Variants in FAF1 observed in about 807,000 individuals in gnomAD.
The protein encoded by FAF1 is FAS-associated factor 1.
FAF1 carries 25 observed loss-of-function variants against 92.5 expected under a neutral mutation model. That is an observed-to-expected ratio of 0.27 (90% CI 0.20 to 0.38). FAF1 has a LOEUF of 0.38. Ranked by LOEUF, FAF1 falls within the 10% of genes least tolerant of loss-of-function variation. FAF1 has a pLI of 1.00. For synonymous variants in FAF1, 234 were observed against 273.2 expected, an observed-to-expected ratio of 0.86 and a Z score of 1.42; for missense variants, 636 against 793.3, an observed-to-expected ratio of 0.80 and a Z score of 2.38.
At chr1:50,513,197 T>C (rs1191113009) in intron 15 of FAF1, among the ~76,000 whole-genome samples, 1 of 152,156 alleles carries the variant, frequency 6.6e-6, no homozygotes, top group Non-Finnish European at 1.5e-5. Context: ...GAATTCTCAC[T>C]GGCTAGGCAT....
At chr1:50,858,979 G>T (rs951291679) in intron 1 of FAF1, among the ~76,000 whole-genome samples, 2 of 151,672 alleles carry the variant, frequency 1.3e-5, no homozygotes, top group African/African-American at 4.8e-5. Context: ...TACAAGGTTG[G>T]TTGGGCATAT....
chr1:50,761,969 C>G (rs1248900813), intron 4 of FAF1, among the ~76,000 whole-genome samples: 4 of 152,038 alleles, frequency 2.6e-5, no homozygotes, highest in Non-Finnish European at 4.4e-5. Context: ...TCTCCTTAAG[C>G]TGATAAGCAA....
chr1:50,884,420 C>T (rs1644640036), intron 1 of FAF1, among the ~76,000 whole-genome samples: 1 of 151,266 alleles, frequency 6.6e-6, no homozygotes, highest in African/African-American at 2.4e-5. Flanking sequence ...CCCAGCTACT[C>T]GCGATGCTGA....
At chr1:50,519,115 A>G (rs1647352841) in intron 15 of FAF1, among the ~76,000 whole-genome samples, 1 of 152,006 alleles carries the variant, frequency 6.6e-6, no homozygotes, top group South Asian at 2.1e-4. Context: ...GAGAATCACG[A>G]GGTCAGGTGT....
At chr1:50,691,609 GAGAC>G (rs1347677165) in intron 7 of FAF1, among the ~76,000 whole-genome samples, 1 of 147,700 alleles carries the variant, frequency 6.8e-6, no homozygotes, top group Non-Finnish European at 1.5e-5. Flanking sequence ...TTCTTTTTTT[GAGAC>G]AGAGTTTCTC....
chr1:50,617,693 G>GTTTTTTTTT (rs61376152), intron 8 of FAF1, among the ~76,000 whole-genome samples: 3 of 119,212 alleles, frequency 2.5e-5, no homozygotes, highest in Admixed American at 8.6e-5. Flanking sequence ...CTCCTCTTCT[G>GTTTTTTTTT]TTTTTTTTTT....
intron 15 of FAF1, among the ~76,000 whole-genome samples, chr1:50,516,763 C>T (rs982419425): frequency 1.3e-5 from 2 of 152,194 alleles, no homozygotes; most frequent in African/African-American, 4.8e-5. Context: ...TAGATATCTA[C>T]AGCTATACAT....
At chr1:50,447,404 C>T (rs1218133834) in intron 18 of FAF1, among the ~76,000 whole-genome samples, 2 of 152,086 alleles carry the variant, frequency 1.3e-5, no homozygotes, top group East Asian at 1.9e-4. Flanking sequence ...GGATTACAGG[C>T]GTGAGCCACC....
At chr1:50,817,108 G>A (rs910838975) in intron 2 of FAF1, among the ~76,000 whole-genome samples, 1 of 152,050 alleles carries the variant, frequency 6.6e-6, no homozygotes. Context: ...TTTGAAGTCG[G>A]GTAATGTGAT....
At chr1:50,837,345 T>C (rs977990673) in intron 2 of FAF1, among the ~76,000 whole-genome samples, 1 of 152,182 alleles carries the variant, frequency 6.6e-6, no homozygotes, top group Non-Finnish European at 1.5e-5. Context: ...CTTGGTCTTC[T>C]TGAATCTGGA....
At chr1:50,692,094 T>C (rs1475801573) in intron 7 of FAF1, among the ~76,000 whole-genome samples, 1 of 152,072 alleles carries the variant, frequency 6.6e-6, no homozygotes, top group African/African-American at 2.4e-5. Flanking sequence ...CACGTACCTG[T>C]AGTCCCATCT....
chr1:50,937,715 T>C (rs1645099122), intron 1 of FAF1, among the ~76,000 whole-genome samples: 1 of 152,194 alleles, frequency 6.6e-6, no homozygotes, highest in African/African-American at 2.4e-5. Flanking sequence ...CTATATTCCT[T>C]TATTGTTATT....
chr1:50,807,085 GA>G (rs1662235491), intron 2 of FAF1, among the ~76,000 whole-genome samples: 2 of 152,002 alleles, frequency 1.3e-5, no homozygotes, highest in Admixed American at 1.3e-4. Context: ...AGTATAAATA[GA>G]AACAAAAATC....
intron 6 of FAF1, among the ~76,000 whole-genome samples, chr1:50,725,415 T>C (rs2124462699): frequency 6.6e-6 from 1 of 152,300 alleles, no homozygotes; most frequent in Non-Finnish European, 1.5e-5. Context: ...GTAATCTGCT[T>C]TCCCACCAAT....
At chr1:50,504,559 G>A (rs1647030210) in intron 15 of FAF1, among the ~76,000 whole-genome samples, 2 of 151,964 alleles carry the variant, frequency 1.3e-5, no homozygotes, top group Admixed American at 1.3e-4. Flanking sequence ...AGAATACAGT[G>A]GATGAACCAT....
chr1:50,466,000 A>G (rs369774201), intron 18 of FAF1, among the ~76,000 whole-genome samples: 2 of 152,120 alleles, frequency 1.3e-5, no homozygotes, highest in East Asian at 3.8e-4. Flanking sequence ...ATGGGGAGCT[A>G]TTACAGGGTT....
At chr1:50,700,409 T>C (rs961905819) in intron 7 of FAF1, among the ~76,000 whole-genome samples, 2 of 152,134 alleles carry the variant, frequency 1.3e-5, no homozygotes, top group Non-Finnish European at 2.9e-5. Context: ...TAGGTGTTCA[T>C]GAGGACCATC....
chr1:50,577,296 G>A (rs912117667), intron 12 of FAF1, among the ~76,000 whole-genome samples: 2 of 152,168 alleles, frequency 1.3e-5, no homozygotes, highest in South Asian at 4.1e-4. Context: ...AGGCTGAGGC[G>A]GGTGGATCAC....
At position 50,535,384 on chromosome 1, in the gene FAF1, T is replaced by G. The variant is rs1324720321; in HGVS notation, c.1479A>C (p.Glu493Asp). The G allele has an allele frequency of 2.5e-6, 4 of 1,609,552 alleles. No homozygotes were observed. In the East Asian group the frequency reaches 6.7e-5, roughly 27 times the overall value. ...ATAACCTTACCTCGTCCTTTATATC[T>G]TCCTGTTGTTGGGCTGTGAAGATCT... is the stretch of plus-strand genomic sequence containing the variant. ...AMEIFTAQQQ[E>D]DIKDEDEREA... The change falls in exon 15 of 19, where the codon GAA (glutamate) becomes GAC (aspartate). Residue 493 changes from glutamate to aspartate, a missense_variant. Coordinates refer to ENST00000396153, the MANE Select transcript of FAF1 (RefSeq NM_007051.3).
Sources: allele counts gnomAD v4.1 joint callset (sites outside exome capture counted in the v4.1 genomes callset), GRCh38; gene constraint gnomAD v4.1.1; transcripts MANE v1.5; gene names NCBI Gene and HGNC (gene_info 2026-07-23, HGNC 2026-07-21).